NIPBL: variants seen among roughly 807,000 people sequenced by gnomAD.
NIPBL encodes the protein NIPBL cohesin loading factor.
In NIPBL, 19 loss-of-function variants were observed where a neutral mutation model predicts 321.8. The ratio of observed to expected loss-of-function variants is 0.06; its 90% CI spans 0.04 to 0.09. NIPBL has a LOEUF of 0.09. Ranked by LOEUF, NIPBL falls within the 10% of genes least tolerant of loss-of-function variation. The pLI, the probability that NIPBL is intolerant of heterozygous loss-of-function variation, is 1.00. For missense variants in NIPBL, 2,210 were observed against 3,327.0 expected (o/e 0.66, Z 8.26); for synonymous variants, 1,106 against 1,114.1 (o/e 0.99, Z 0.14).
intron 1 of NIPBL, among the ~76,000 whole-genome samples, chr5:36,949,293 G>A (rs1290478281): frequency 6.6e-6 from 1 of 151,814 alleles, no homozygotes; most frequent in Non-Finnish European, 1.5e-5. Flanking sequence ...GATTGTGTAT[G>A]CATAGTAATC....
chr5:36,994,757 TCA>T (rs1745939285), intron 10 of NIPBL, among the ~76,000 whole-genome samples: 2 of 152,116 alleles, frequency 1.3e-5, no homozygotes, highest in African/African-American at 4.8e-5. Context: ...TTTTAAACTA[TCA>T]GGAAGATAGT....
rs1017711925 is a variant in NIPBL at position 36,976,343 on chromosome 5, G to A, written c.1436G>A (p.Arg479Gln). ...TTGGATGCATTGGCTGAAATTGAGC[G>A]AATAGAGAGAGAATCAGCTATTGAA... The part of the protein sequence containing the change: ...VELDALAEIE[R>Q]IERESAIERE... Residue 479 changes from arginine to glutamine, a missense_variant, in exon 9 of 47, where the codon CGA becomes CAA. Transcript: ENST00000282516. 3 of 1,612,466 alleles carry A rather than the reference G, an allele frequency of 1.9e-6. No individual in the cohort carries two copies. Among genetic ancestry groups the A allele is most frequent in the Non-Finnish European group, 2.5e-6 (3 of 1,179,792 alleles).
intron 18 of NIPBL, 108 bp from the exon 19 acceptor site, chr5:37,007,900 T>A: frequency 1.3e-6 from 1 of 745,804 alleles, no homozygotes; most frequent in African/African-American, 1.7e-5. Flanking sequence ...GAAAAAATGC[T>A]TTCTTAGTGT....
intron 1 of NIPBL, among the ~76,000 whole-genome samples, chr5:36,939,389 C>T (rs1738817381): frequency 6.6e-6 from 1 of 152,164 alleles, no homozygotes; most frequent in African/African-American, 2.4e-5. Context: ...AAAATGGAAT[C>T]ATGTAGTTTG....
At chr5:36,911,277 C>CATT (rs1748029615) in intron 1 of NIPBL, among the ~76,000 whole-genome samples, 1 of 152,136 alleles carries the variant, frequency 6.6e-6, no homozygotes, top group African/African-American at 2.4e-5. Context: ...TTTAATGAGT[C>CATT]ATTATTACTA....
chr5:37,035,962 T>A (rs1007617822), intron 32 of NIPBL, among the ~76,000 whole-genome samples: 2 of 152,204 alleles, frequency 1.3e-5, no homozygotes, highest in Non-Finnish European at 2.9e-5. Context: ...CGTTATGTTT[T>A]ATAATTGCCT....
intron 32 of NIPBL, among the ~76,000 whole-genome samples, chr5:37,032,438 T>TGTGTGTGTGTG: frequency 1.0e-5 from 1 of 98,222 alleles, no homozygotes; most frequent in Non-Finnish European, 2.2e-5. Flanking sequence ...TGTGTGTGTG[T>TGTGTGTGTGTG]AGTGTGTGTG....
intron 9 of NIPBL, 91 bp from the exon 10 acceptor site, chr5:36,984,585 A>C (rs1429483079): frequency 1.7e-6 from 2 of 1,189,702 alleles, no homozygotes; most frequent in East Asian, 4.9e-5. Flanking sequence ...TAAAAACATA[A>C]CCTTAAAAAG....
chr5:37,050,160 T>C (rs992299017), intron 40 of NIPBL, among the ~76,000 whole-genome samples: 11 of 152,002 alleles, frequency 7.2e-5, no homozygotes, highest in Non-Finnish European at 1.2e-4. Context: ...TTTTAAACTT[T>C]TTTTTTTAAT....
intron 1 of NIPBL, among the ~76,000 whole-genome samples, chr5:36,952,266 C>T (rs558921186): frequency 1.3e-5 from 2 of 151,960 alleles, no homozygotes; most frequent in African/African-American, 2.4e-5. Flanking sequence ...GAATGTTTGA[C>T]GTTTACAACT....
At chr5:37,012,601 C>CTGCGGCCT in intron 21 of NIPBL, among the ~76,000 whole-genome samples, 1 of 152,224 alleles carries the variant, frequency 6.6e-6, no homozygotes, top group Admixed American at 6.5e-5. Context: ...GCAGAGGACC[C>CTGCGGCCT]TGCGGCCTTC....
Position 36,976,137 on chromosome 5 carries a change from A to G in NIPBL, c.1230A>G (p.Ile410Met). The change falls in exon 9 of 47, where the codon ATA becomes ATG. Residue 410 changes from isoleucine (I) to methionine (M), a missense_variant. By Grantham distance (10) the Ile-to-Met change is conservative. Coordinates refer to ENST00000282516, the MANE Select transcript of NIPBL (RefSeq NM_133433.4). Reference sequence around the variant, plus strand: ...AAACACCCATTACTCCACAAGATATAAACCGCCCACTAAATGCTGCTCAAT... The same window carrying G: ...AAACACCCATTACTCCACAAGATATGAACCGCCCACTAAATGCTGCTCAAT... Reference protein sequence around the residue: ...TSKTPITPQDINRPLNAAQCL... With the variant: ...TSKTPITPQDMNRPLNAAQCL... 6.2e-7 allele frequency: 1 copy of G among 1,613,814 alleles called. No individual in the cohort carries two copies. Among genetic ancestry groups the G allele is most frequent in the South Asian group, 1.1e-5 (1 of 91,046 alleles).
At position 36,955,519 on chromosome 5, in the gene NIPBL, A is replaced by G. The variant is rs1286814983; in HGVS notation, c.112A>G (p.Lys38Glu). The G allele has an allele frequency of 6.2e-7, 1 of 1,613,882 alleles. No homozygotes were observed. The highest frequency in any genetic ancestry group is 8.5e-7 in the Non-Finnish European group (1 of 1,179,888). ...LPSPLPATTT[K>E]SLLFNARIAE... ...ATCTCCTTTACCTGCTACAACTACA[A>G]AGAGCCTTCTCTTTAATGCACGAAT... The change falls in exon 3 of 47, where the codon AAG (lysine) becomes GAG (glutamate). Residue 38 changes from lysine (K) to glutamate (E), a missense_variant. Around this residue, in one of 14 missense-constraint regions of NIPBL, gnomAD observed 28 missense variants for 65.5 expected, o/e 0.43. Transcript: ENST00000282516.
At chr5:36,880,370 T>G (rs1443557927) in intron 1 of NIPBL, among the ~76,000 whole-genome samples, 2 of 152,032 alleles carry the variant, frequency 1.3e-5, no homozygotes, top group African/African-American at 4.8e-5. Context: ...ACCAGGAGTT[T>G]GAGTTTTATT....
chr5:37,048,277 T>TG (rs1235404060), intron 38 of NIPBL, among the ~76,000 whole-genome samples: 3 of 152,168 alleles, frequency 2.0e-5, no homozygotes, highest in African/African-American at 7.2e-5. Flanking sequence ...TTTCCTCTTG[T>TG]GTGAAATTCT....
chr5:37,031,177 G>T (rs1042782505), intron 32 of NIPBL, among the ~76,000 whole-genome samples: 7 of 151,888 alleles, frequency 4.6e-5, no homozygotes, highest in African/African-American at 1.7e-4. Flanking sequence ...GTAGAGACGG[G>T]GTTTCACCAT....
intron 8 of NIPBL, 24 bp from the exon 9 acceptor site, chr5:36,975,752 A>C (rs1356610748): frequency 1.9e-6 from 3 of 1,611,020 alleles, no homozygotes; most frequent in Non-Finnish European, 2.5e-6. Flanking sequence ...CACAACTGTT[A>C]CTTCTATCGA....
At position 36,890,099 on chromosome 5, in the gene NIPBL, T is replaced by C. The variant is rs1459664313; in HGVS notation, c.-80+12921T>C. On this transcript the variant is annotated intron_variant, in intron 1 of 46. Coordinates refer to ENST00000282516, the MANE Select transcript of NIPBL (RefSeq NM_133433.4). ...CGTTGGATCATAAAGATTTTCCTAGTTTTCTATATAATGTTCATAATTCTT... is the reference window on the plus strand; with the variant it reads ...CGTTGGATCATAAAGATTTTCCTAGCTTTCTATATAATGTTCATAATTCTT... Among the ~76,000 whole-genome samples, 4 of 152,160 alleles carry C rather than the reference T, an allele frequency of 2.6e-5. No homozygotes were observed. The East Asian group carries it at 5.8e-4, about 22-fold the overall frequency.
Position 37,035,526 on chromosome 5 carries a change from A to G in NIPBL, c.5863-853A>G, listed in dbSNP as rs145680917. Among the ~76,000 whole-genome samples, 658 of 152,318 alleles carry G rather than the reference A, an allele frequency of 4.3e-3. 4 individuals are homozygous for G. Among genetic ancestry groups the G allele is most frequent in the Non-Finnish European group, 6.8e-3 (461 of 68,030 alleles). On this transcript the variant is annotated intron_variant, in intron 32 of 46. Transcript: ENST00000282516. ...AAGCTTGTGCCCAACTGTAAGCCAC[A>G]TGCATTTTTTTAAATGTTAACTTAA...
Sources: gnomAD v4.1 joint callset for allele counts (sites outside exome capture counted in the v4.1 genomes callset) on GRCh38, gnomAD v4.1.1 for gene constraint, gnomAD v4.1.1 regional missense constraint, MANE v1.5 for transcripts, NCBI Gene and HGNC (gene_info 2026-07-23, HGNC 2026-07-21) for gene names.